The following PCLO variants were observed in gnomAD, a reference collection of about 807,000 sequenced individuals.
The protein encoded by PCLO is protein piccolo.
A neutral mutation model predicts 427.5 loss-of-function variants in PCLO; 82 were observed. The observed-to-expected ratio is 0.19, with a 90% CI of 0.16 to 0.23. The LOEUF is 0.23. Ranked by LOEUF, PCLO falls within the 10% of genes least tolerant of loss-of-function variation. The pLI is 1.00. For missense variants in PCLO, 6,239 were observed against 6,115.9 expected (o/e 1.02, Z -0.67); for synonymous variants, 2,357 against 2,155.4 (o/e 1.09, Z -2.59).
intron 1 of PCLO, among the ~76,000 whole-genome samples, chr7:83,161,215 G>A (rs959820436): frequency 2.1e-5 from 3 of 145,100 alleles, no homozygotes; most frequent in Admixed American, 7.0e-5. Flanking sequence ...TTATGCTTAC[G>A]TGATAGTGAC....
chr7:82,930,158 AC>A (rs1794808324), intron 6 of PCLO, among the ~76,000 whole-genome samples: 1 of 152,190 alleles, frequency 6.6e-6, no homozygotes, highest in African/African-American at 2.4e-5. Context: ...AGTTCTAAGT[AC>A]TAAGAAGGAA....
chr7:82,840,183 C>A (rs1484209465), intron 14 of PCLO, among the ~76,000 whole-genome samples: 1 of 151,988 alleles, frequency 6.6e-6, no homozygotes, highest in Non-Finnish European at 1.5e-5. Context: ...GAAGAAAGAT[C>A]AAGTCAGTGA....
intron 22 of PCLO, among the ~76,000 whole-genome samples, chr7:82,794,470 T>G (rs1422899680): frequency 3.1e-5 from 3 of 95,498 alleles, no homozygotes; most frequent in Admixed American, 1.1e-4. Context: ...TTTTTTTTTT[T>G]TTTTTTTTTT....
intron 3 of PCLO, among the ~76,000 whole-genome samples, chr7:83,029,262 GAAAAA>G (rs201134210): frequency 7.9e-6 from 1 of 126,890 alleles, no homozygotes; most frequent in Non-Finnish European, 1.7e-5. Flanking sequence ...AAATTTACAA[GAAAAA>G]AAAAAAAACA....
In PCLO at chr7:82,955,112, A is replaced by G; in HGVS notation, c.5841T>C (p.Tyr1947=). The change falls in exon 5 of 25, where the codon TAT becomes TAC. Residue 1947 remains tyrosine (Y), a synonymous_variant. Coordinates refer to ENST00000333891, the MANE Select transcript of PCLO (RefSeq NM_033026.6). ...TATAATCCTCTATTAGCATCCCACCATACAAAGGCTCTTTTTCAAACACTT... is the reference window on the plus strand; with the variant it reads ...TATAATCCTCTATTAGCATCCCACCGTACAAAGGCTCTTTTTCAAACACTT... The part of the protein sequence containing the change: ...RDEVFEKEPL[Y]GGMLIEDYIY... 6.2e-7 allele frequency: 1 copy of G among 1,613,806 alleles called. No individual in the cohort carries two copies. Among genetic ancestry groups the G allele is most frequent in the South Asian group, 1.1e-5 (1 of 91,076 alleles).
chr7:83,003,287 T>C (rs968512818), intron 3 of PCLO, among the ~76,000 whole-genome samples: 1 of 151,694 alleles, frequency 6.6e-6, no homozygotes, highest in African/African-American at 2.4e-5. Flanking sequence ...AAAGTTTTTA[T>C]AAAATAAACT....
At chr7:83,137,120 A>C (rs1405016791) in intron 2 of PCLO, among the ~76,000 whole-genome samples, 1 of 152,234 alleles carries the variant, frequency 6.6e-6, no homozygotes, top group Non-Finnish European at 1.5e-5. Context: ...AATTTCCCAC[A>C]GTACAAAATT....
At chr7:83,121,970 G>C (rs973349864) in intron 3 of PCLO, among the ~76,000 whole-genome samples, 10 of 151,994 alleles carry the variant, frequency 6.6e-5, no homozygotes, top group African/African-American at 2.4e-4. Flanking sequence ...ATGACCAAGT[G>C]AGATTTATCC....
intron 3 of PCLO, among the ~76,000 whole-genome samples, chr7:83,060,764 C>A (rs576112205): frequency 9.1e-4 from 139 of 152,256 alleles, no homozygotes; most frequent in African/African-American, 3.1e-3. Flanking sequence ...TGCACTGAAG[C>A]ACTGCTCTCT....
intron 3 of PCLO, among the ~76,000 whole-genome samples, chr7:83,092,888 A>G (rs1431315632): frequency 6.8e-6 from 1 of 147,092 alleles, no homozygotes; most frequent in Non-Finnish European, 1.5e-5. Context: ...CAGAGGTTGC[A>G]GTGAGCCAAG....
At chr7:82,877,137 C>G (rs1793392490) in intron 10 of PCLO, among the ~76,000 whole-genome samples, 1 of 152,006 alleles carries the variant, frequency 6.6e-6, no homozygotes, top group Non-Finnish European at 1.5e-5. Flanking sequence ...GGTATCATAT[C>G]TATTTTTAAA....
At chr7:82,871,206 CTG>C (rs1793229020) in intron 10 of PCLO, among the ~76,000 whole-genome samples, 1 of 151,922 alleles carries the variant, frequency 6.6e-6, no homozygotes, top group South Asian at 2.1e-4. Flanking sequence ...TGGAATCAAA[CTG>C]TGTTCATTAA....
chr7:83,087,221 T>TA lies in PCLO; in HGVS notation c.3300+47028dup, dbSNP rs34272716. Among the ~76,000 whole-genome samples the TA allele has an allele frequency of 9.9e-3, 1,450 of 146,152 alleles. 14 individuals are homozygous for TA. The highest frequency in any genetic ancestry group is 0.04 in the Middle Eastern group (11 of 272). Reference sequence around the variant, plus strand: ...ATGTACCCTAGAACTTAAAGCATAATAAAAAAAAAAAAAGTGGAAGTTAAG... The same window carrying TA: ...ATGTACCCTAGAACTTAAAGCATAATAAAAAAAAAAAAAAGTGGAAGTTAAG... On this transcript the variant is annotated intron_variant, in intron 3 of 24. Coordinates refer to ENST00000333891, the MANE Select transcript of PCLO (RefSeq NM_033026.6).
chr7:82,949,279 G>GCACACACACACGTGTGCA (rs939902044), intron 6 of PCLO, among the ~76,000 whole-genome samples, 197 bp downstream of exon 6: 1 of 148,848 alleles, frequency 6.7e-6, no homozygotes, highest in African/African-American at 2.5e-5. Context: ...ACACACAAGC[G>GCACACACACACGTGTGCA]CACACACACA....
At chr7:82,881,347 G>C (rs187657748) in intron 9 of PCLO, among the ~76,000 whole-genome samples, 7 of 152,302 alleles carry the variant, frequency 4.6e-5, no homozygotes, top group African/African-American at 1.4e-4. Flanking sequence ...AGAGTCATTT[G>C]ATTTCTAGTA....
intron 3 of PCLO, among the ~76,000 whole-genome samples, chr7:83,067,047 TATAAA>T (rs1310362303): frequency 6.6e-6 from 1 of 152,178 alleles, no homozygotes; most frequent in Non-Finnish European, 1.5e-5. Flanking sequence ...AAAAATATCA[TATAAA>T]ATTATCTTCA....
intron 3 of PCLO, among the ~76,000 whole-genome samples, chr7:82,996,120 TG>T (rs1460754979): frequency 6.6e-6 from 1 of 151,754 alleles, no homozygotes; most frequent in Non-Finnish European, 1.5e-5. Context: ...TTTTAAGAAA[TG>T]AATGTCAAAA....
intron 3 of PCLO, among the ~76,000 whole-genome samples, chr7:83,107,943 C>A (rs1025071958): frequency 7.4e-6 from 1 of 135,400 alleles, no homozygotes; most frequent in Non-Finnish European, 1.5e-5. Context: ...GAGCCAAGAT[C>A]GTGCCACTGC....
chr7:83,047,152 T>C (rs912805159), intron 3 of PCLO, among the ~76,000 whole-genome samples: 3 of 152,048 alleles, frequency 2.0e-5, no homozygotes, highest in African/African-American at 7.2e-5. Context: ...AAATCAAATT[T>C]GTTTACACTT....
Sources: gnomAD v4.1 joint callset for allele counts (sites outside exome capture counted in the v4.1 genomes callset) on GRCh38, gnomAD v4.1.1 for gene constraint, MANE v1.5 for transcripts, NCBI Gene and HGNC (gene_info 2026-07-23, HGNC 2026-07-21) for gene names.